The following MYO10 variants were observed in gnomAD, a reference collection of about 807,000 sequenced individuals.
The protein encoded by MYO10 is unconventional myosin-X.
MYO10 carries 133 observed loss-of-function variants against 257.3 expected under a neutral mutation model. The observed-to-expected ratio is 0.52, with a 90% CI of 0.45 to 0.60. MYO10 has a LOEUF of 0.60. Ranked by LOEUF, MYO10 falls within the 20% of genes least tolerant of loss-of-function variation. The pLI is 0.00. For synonymous variants in MYO10, 1,104 were observed against 1,028.6 expected, an observed-to-expected ratio of 1.07 and a Z score of -1.40; for missense variants, 2,399 against 2,635.7, an observed-to-expected ratio of 0.91 and a Z score of 1.97.
rs111910542 is a variant in MYO10, at chr5:16,769,177, G to A, written c.957C>T (p.Ser319=). Residue 319 remains serine, a synonymous_variant, in exon 10 of 41, where the codon AGC becomes AGT. Transcript: ENST00000513610. Reference sequence around the variant, plus strand: ...TCGACACTTCCCGAACTTCCTCCTTGCTGAACTGCATCACGTCCATTGCCG... The same window carrying A: ...TCGACACTTCCCGAACTTCCTCCTTACTGAACTGCATCACGTCCATTGCCG... ...VITAMDVMQF[S]KEEVREVSRL... is the part of the protein sequence containing the mutation. 6.2e-7 allele frequency: 1 copy of A among 1,611,152 alleles called. No homozygotes were observed. Among genetic ancestry groups the A allele is most frequent in the African/African-American group, 1.3e-5 (1 of 74,918 alleles).
intron 19 of MYO10, among the ~76,000 whole-genome samples, chr5:16,733,822 G>T (rs1739681780): frequency 6.6e-6 from 1 of 152,166 alleles, no homozygotes; most frequent in African/African-American, 2.4e-5. Flanking sequence ...GACTCTCCAG[G>T]CTGGACTCTG....
chr5:16,778,244 A>T (rs1283083279), intron 9 of MYO10, among the ~76,000 whole-genome samples: 1 of 152,140 alleles, frequency 6.6e-6, no homozygotes, highest in Non-Finnish European at 1.5e-5. Flanking sequence ...GCTGTTCGCA[A>T]CGCTCGATGA....
At chr5:16,827,992 A>C (rs1459153312) in intron 2 of MYO10, among the ~76,000 whole-genome samples, 1 of 152,136 alleles carries the variant, frequency 6.6e-6, no homozygotes, top group African/African-American at 2.4e-5. Context: ...GTAGAGTCAG[A>C]CCTTAGAGGG....
At chr5:16,824,552 A>T (rs567584772) in intron 2 of MYO10, among the ~76,000 whole-genome samples, 3 of 152,294 alleles carry the variant, frequency 2.0e-5, no homozygotes, top group African/African-American at 7.2e-5. Context: ...AATGCCTGTA[A>T]GTAAAACTTT....
intron 3 of MYO10, among the ~76,000 whole-genome samples, chr5:16,796,469 A>AAAGAAAGAAAGAAAGAAAG (rs879800508): frequency 7.4e-4 from 90 of 120,926 alleles, no homozygotes; most frequent in South Asian, 1.3e-3. Context: ...AGAAAGAAAG[A>AAAGAAAGAAAGAAAGAAAG]AAAGAAAAGA....
intron 3 of MYO10, among the ~76,000 whole-genome samples, chr5:16,798,839 C>T (rs1299384848): frequency 2.6e-5 from 4 of 152,090 alleles, no homozygotes; most frequent in Non-Finnish European, 4.4e-5. Flanking sequence ...CACTGCCAAC[C>T]ATCAACACGG....
rs770299372 is a variant in MYO10 at position 16,928,848 on chromosome 5, A to AAACAAC, written c.21+6934_21+6939dup. Among the ~76,000 whole-genome samples the AAACAAC allele has an allele frequency of 1.8e-3, 260 of 142,854 alleles. 1 individual carries two copies. Among genetic ancestry groups the AAACAAC allele is most frequent in the African/African-American group, 6.5e-3 (250 of 38,508 alleles). The allele number at this position is 142,854 out of a possible 152,430, so 93.7% of individuals were successfully genotyped here. ...CGACAGAGCAAGACTCCATCTCAAAAAACAACAACAACAACAAAAACACAC... is the reference window on the plus strand; with the variant it reads ...CGACAGAGCAAGACTCCATCTCAAAAAACAACAACAACAACAACAACAAAAACACAC... On this transcript the variant is annotated intron_variant, in intron 1 of 40. Coordinates refer to ENST00000513610, the MANE Select transcript of MYO10 (RefSeq NM_012334.3).
chr5:16,742,738 GAAGCGGACATTGC>G (rs1250671333), intron 19 of MYO10, among the ~76,000 whole-genome samples: 62 of 151,658 alleles, frequency 4.1e-4, no homozygotes, highest in Admixed American at 3.9e-3. Context: ...TTGAAAACAG[GAAGCGGACATTGC>G]AGTGGCTGAG....
At chr5:16,667,977 A>G (rs1275549293) in intron 40 of MYO10, among the ~76,000 whole-genome samples, 1 of 152,144 alleles carries the variant, frequency 6.6e-6, no homozygotes, top group Non-Finnish European at 1.5e-5. Context: ...TGCAAATAAT[A>G]TACTTTTTCA....
chr5:16,908,103 T>C (rs1745563613), intron 1 of MYO10, among the ~76,000 whole-genome samples: 1 of 151,782 alleles, frequency 6.6e-6, no homozygotes, highest in Admixed American at 6.6e-5. Flanking sequence ...TGTGGTGGCA[T>C]ATGCCTCTAA....
intron 3 of MYO10, among the ~76,000 whole-genome samples, chr5:16,808,962 G>A (rs1326356858): frequency 4.0e-5 from 6 of 151,422 alleles, no homozygotes; most frequent in South Asian, 2.1e-4. Context: ...GAGCCACCAC[G>A]CCCAGCCTTG....
At chr5:16,874,151 G>A (rs1216855204) in intron 2 of MYO10, among the ~76,000 whole-genome samples, 1 of 151,928 alleles carries the variant, frequency 6.6e-6, no homozygotes, top group African/African-American at 2.4e-5. Flanking sequence ...TGGCTAACAC[G>A]GTGAAACCCC....
chr5:16,760,700 A>G (rs934811678), intron 17 of MYO10, among the ~76,000 whole-genome samples: 1 of 152,142 alleles, frequency 6.6e-6, no homozygotes, highest in Admixed American at 6.5e-5. Flanking sequence ...AATCAGCTTA[A>G]CCACGCAGCT....
intron 30 of MYO10, 135 bp downstream of exon 30, chr5:16,683,745 G>A: frequency 1.3e-6 from 1 of 772,528 alleles, no homozygotes; most frequent in Non-Finnish European, 2.1e-6. Flanking sequence ...GGATTGCTGG[G>A]GTTGACAAGG....
At chr5:16,770,947 C>T (rs982918248) in intron 9 of MYO10, among the ~76,000 whole-genome samples, 3 of 152,060 alleles carry the variant, frequency 2.0e-5, no homozygotes, top group Non-Finnish European at 2.9e-5. Flanking sequence ...TTTGTATTTT[C>T]AGTAGATACG....
At chr5:16,853,563 G>T (rs1426625522) in intron 2 of MYO10, among the ~76,000 whole-genome samples, 2 of 152,160 alleles carry the variant, frequency 1.3e-5, no homozygotes. Context: ...TTCAACAGAA[G>T]AGGCATGAGG....
intron 38 of MYO10, 61 bp from the exon 39 acceptor site, chr5:16,671,039 G>A (rs573027163): frequency 5.3e-5 from 75 of 1,425,406 alleles, no homozygotes; most frequent in Admixed American, 1.7e-4. Context: ...GGATGCCCAC[G>A]TCGCTTGCTC....
chr5:16,670,727 C>T lies in MYO10; in HGVS notation c.5682G>A (p.Arg1894=). The stretch of plus-strand genomic sequence containing the variant: ...CCTTCTGCCGGACCACGGATCCTGT[C>T]CGGAAGCTCCGCCTCAGGGTCCCCT... ...FLEGTLRRSF[R]TGSVVRQKVE... is the part of the protein sequence containing the mutation. Residue 1894 remains arginine, a synonymous_variant, in exon 39 of 41, where the codon CGG becomes CGA. Transcript: ENST00000513610. 6.2e-7 allele frequency: 1 copy of T among 1,614,088 alleles called. No homozygotes were observed. The highest frequency in any genetic ancestry group is 8.5e-7 in the Non-Finnish European group (1 of 1,179,914).
rs1048599912 is a variant in MYO10, at chr5:16,699,945, C to T, written c.3433-372G>A. On this transcript the variant is annotated intron_variant, in intron 25 of 40. Transcript: ENST00000513610. Reference sequence around the variant, plus strand: ...ATTGATACATGAAAGACAAGATATACTTGAATCCAAAGGCTATCTGCCCTA... The same window carrying T: ...ATTGATACATGAAAGACAAGATATATTTGAATCCAAAGGCTATCTGCCCTA... 5.9e-5 allele frequency among the ~76,000 whole-genome samples: 9 copies of T among 152,274 alleles called. No individual in the cohort carries two copies. The South Asian group carries it at 1.7e-3, about 28-fold the overall frequency.
Sources: gnomAD v4.1 joint callset for allele counts (sites outside exome capture counted in the v4.1 genomes callset) on GRCh38, gnomAD v4.1.1 for gene constraint, MANE v1.5 for transcripts, NCBI Gene and HGNC (gene_info 2026-07-23, HGNC 2026-07-21) for gene names.